The following STMND1 variants were observed in gnomAD, a reference collection of about 807,000 sequenced individuals.
The protein encoded by STMND1 is stathmin domain containing 1, also known as stathmin domain-containing protein 1.
In STMND1, 17 loss-of-function variants were observed where a neutral mutation model predicts 23.0. The ratio of observed to expected loss-of-function variants is 0.74; its 90% CI spans 0.51 to 1.11. The LOEUF (loss-of-function observed/expected upper bound fraction) is 1.11, where lower values mean the gene tolerates loss of function less well. Ranked by LOEUF, STMND1 falls within the 50% of genes least tolerant of loss-of-function variation. The probability of loss-of-function intolerance (pLI) is 0.00; values close to 1 mark genes in which losing one functional copy is unlikely to be tolerated. For synonymous variants in STMND1, 114 were observed against 119.9 expected, an observed-to-expected ratio of 0.95 and a Z score of 0.32; for missense variants, 305 against 329.1, an observed-to-expected ratio of 0.93 and a Z score of 0.57.
rs923687087 is a variant in STMND1 at position 17,102,161 on chromosome 6, G to T, written c.-97G>T. ...GTAGCAGGGGCGTAGGGCGCAGGGC[G>T]CAGGAGCGCGGGACCACCGGCGCCG... On this transcript the variant is annotated 5_prime_UTR_variant, in exon 1 of 5. Transcript: ENST00000536551. 3.3e-4 allele frequency: 418 copies of T among 1,268,588 alleles called. 6 individuals are homozygous for T. Among genetic ancestry groups the T allele is most frequent in the Non-Finnish European group, 6.0e-5 (58 of 973,364 alleles). The allele number at this position is 1,268,588 out of a possible 1,614,324, so 78.6% of individuals were successfully genotyped here.
At chr6:17,126,958 G>A (rs1325186924) in intron 3 of STMND1, among the ~76,000 whole-genome samples, 2 of 152,166 alleles carry the variant, frequency 1.3e-5, no homozygotes, top group East Asian at 3.9e-4. Flanking sequence ...ACTATGTGCT[G>A]GGCATTCCTG....
rs552437782 is a variant in STMND1 at position 17,102,190 on chromosome 6, C to T, written c.-68C>T. 2 of 1,426,086 alleles carry T rather than the reference C, an allele frequency of 1.4e-6. No individual in the cohort carries two copies. Among genetic ancestry groups the T allele is most frequent in the South Asian group, 2.9e-5 (2 of 68,764 alleles). The allele number at this position is 1,426,086 out of a possible 1,614,324, so 88.3% of individuals were successfully genotyped here. ...GAGCGCGGGACCACCGGCGCCGGAG[C>T]GCGGCAGGGAGCGCTCGCGGGGGCG... On this transcript the variant is annotated 5_prime_UTR_variant, in exon 1 of 5. Coordinates refer to ENST00000536551, the MANE Select transcript of STMND1 (RefSeq NM_001190766.2).
intron 4 of STMND1, among the ~76,000 whole-genome samples, chr6:17,130,001 T>G (rs1485766154): frequency 1.3e-5 from 2 of 152,214 alleles, no homozygotes; most frequent in Non-Finnish European, 2.9e-5. Flanking sequence ...GCTAGGATTT[T>G]AACGATCTTT....
At chr6:17,119,841 A>G (rs1167255353) in intron 2 of STMND1, among the ~76,000 whole-genome samples, 1 of 152,212 alleles carries the variant, frequency 6.6e-6, no homozygotes, top group Non-Finnish European at 1.5e-5. Flanking sequence ...GCTGTTACTG[A>G]CAGGAAAAGC....
intron 3 of STMND1, among the ~76,000 whole-genome samples, chr6:17,124,422 T>C (rs750691047): frequency 9.2e-5 from 14 of 152,184 alleles, no homozygotes. Context: ...TTATCTTTCA[T>C]TGAGTTATTT....
rs1460639519 is a variant in STMND1 at position 17,108,766 on chromosome 6, G to A, written c.82-6196G>A. On this transcript the variant is annotated intron_variant, in intron 1 of 4. Coordinates refer to ENST00000536551, the MANE Select transcript of STMND1 (RefSeq NM_001190766.2). ...GACTGGAGTGCAGTGGTGTAATCTC[G>A]GCTCACTGCAACCTCCGCCTCTCGA... Among the ~76,000 whole-genome samples the A allele has an allele frequency of 2.7e-5, 4 of 146,776 alleles. No individual in the cohort carries two copies. In the East Asian group the frequency reaches 5.9e-4, roughly 22 times the overall value.
At chr6:17,129,080 G>A in intron 3 of STMND1, 32 bp from the exon 4 acceptor site, 1 of 1,530,836 alleles carries the variant, frequency 6.5e-7, no homozygotes, top group Non-Finnish European at 8.7e-7. Context: ...GAATATGATT[G>A]TTTCTTCATG....
At chr6:17,113,241 GTA>G (rs1420469624) in intron 1 of STMND1, among the ~76,000 whole-genome samples, 1 of 152,198 alleles carries the variant, frequency 6.6e-6, no homozygotes, top group African/African-American at 2.4e-5. Flanking sequence ...AGGTAGATAG[GTA>G]AATTGTAAGG....
intron 1 of STMND1, among the ~76,000 whole-genome samples, chr6:17,104,357 A>G (rs1182303937): frequency 6.6e-6 from 1 of 152,180 alleles, no homozygotes; most frequent in African/African-American, 2.4e-5. Flanking sequence ...CTGATTACAT[A>G]TAAGACTTCA....
chr6:17,115,211 T>G, intron 2 of STMND1, 72 bp downstream of exon 2: 4 of 1,386,584 alleles, frequency 2.9e-6, no homozygotes, highest in Non-Finnish European at 3.8e-6. Flanking sequence ...TTACAAGGTT[T>G]CTTTGGTGGT....
At position 17,120,705 on chromosome 6, in the gene STMND1, A is replaced by G; in HGVS notation, c.358A>G (p.Ile120Val). The change falls in exon 3 of 5, where the codon ATT becomes GTT. Residue 120 changes from isoleucine to valine, a missense_variant. Ile to Val is a conservative substitution (Grantham distance 29). Coordinates refer to ENST00000536551, the MANE Select transcript of STMND1 (RefSeq NM_001190766.2). ...DILEELIVQG[I>V]IQSHSKVFRN... ...CCTGGAGGAACTAATTGTTCAAGGA[A>G]TTATACAAAGCCACAGCAAAGTATT... The G allele has an allele frequency of 6.5e-7, 1 of 1,535,560 alleles. No homozygotes were observed. The highest frequency in any genetic ancestry group is 8.7e-7 in the Non-Finnish European group (1 of 1,146,578).
At position 17,102,297 on chromosome 6, in the gene STMND1, C is replaced by T; in HGVS notation, c.40C>T (p.Arg14Cys). 1.3e-6 allele frequency: 2 copies of T among 1,536,000 alleles called. No individual in the cohort carries two copies. Among genetic ancestry groups the T allele is most frequent in the Middle Eastern group, 1.7e-4 (1 of 5,988 alleles). Reference sequence around the variant, plus strand: ...TTCCCAACCTGCTGAAGACCGGAGACGTGTACGCGCGCCCAAGAAGGGCTG... The same window carrying T: ...TTCCCAACCTGCTGAAGACCGGAGATGTGTACGCGCGCCCAAGAAGGGCTG... ...GPSQPAEDRR[R>C]VRAPKKGWKE... The change falls in exon 1 of 5, where the codon CGT becomes TGT. Residue 14 changes from arginine (R) to cysteine (C), a missense_variant. Arg to Cys is a radical substitution (Grantham distance 180). Coordinates refer to ENST00000536551, the MANE Select transcript of STMND1 (RefSeq NM_001190766.2).
chr6:17,129,244 G>A lies in STMND1; in HGVS notation c.543+1G>A. The stretch of plus-strand genomic sequence containing the variant: ...GGAGGCTGCCGAGGAGCGCAGGAAG[G>A]TAGTGAGCTCTCAGATGCTCTAGGC... On this transcript the variant is annotated splice_donor_variant, in intron 4 of 4. Coordinates refer to ENST00000536551, the MANE Select transcript of STMND1 (RefSeq NM_001190766.2). LOFTEE classifies it high-confidence loss of function. 1.3e-6 allele frequency: 2 copies of A among 1,535,872 alleles called. No homozygotes were observed. Among genetic ancestry groups the A allele is most frequent in the Non-Finnish European group, 8.7e-7 (1 of 1,146,760 alleles).
chr6:17,113,952 G>C (rs1039476311), intron 1 of STMND1, among the ~76,000 whole-genome samples: 4 of 152,088 alleles, frequency 2.6e-5, no homozygotes, highest in African/African-American at 7.2e-5. Context: ...TTCTACTGCT[G>C]CTATAGCCAA....
At chr6:17,126,166 C>G (rs1210431720) in intron 3 of STMND1, among the ~76,000 whole-genome samples, 1 of 145,438 alleles carries the variant, frequency 6.9e-6, no homozygotes, top group African/African-American at 2.6e-5. Flanking sequence ...GATCCACCTG[C>G]CTTGGCCTCC....
intron 1 of STMND1, among the ~76,000 whole-genome samples, chr6:17,104,396 C>T (rs763094623): frequency 3.9e-5 from 6 of 152,090 alleles, no homozygotes; most frequent in East Asian, 1.9e-4. Context: ...CTTTTCTCGC[C>T]GTTATCATTT....
rs111424723 is a variant in STMND1, at chr6:17,123,498, C to T, written c.411+2740C>T. ...TTAACCCGCCGGTACATTGGAGTCACCTGGGGATATTTCAAACATCCCAGT... is the reference window on the plus strand; with the variant it reads ...TTAACCCGCCGGTACATTGGAGTCATCTGGGGATATTTCAAACATCCCAGT... On this transcript the variant is annotated intron_variant, in intron 3 of 4. Transcript: ENST00000536551. Among the ~76,000 whole-genome samples the T allele has an allele frequency of 1.7e-3, 253 of 152,264 alleles. 3 individuals are homozygous for T. The highest frequency in any genetic ancestry group is 0.01 in the Middle Eastern group (3 of 294).
chr6:17,106,328 C>T (rs571575057), intron 1 of STMND1, among the ~76,000 whole-genome samples: 6 of 152,150 alleles, frequency 3.9e-5, no homozygotes, highest in Non-Finnish European at 8.8e-5. Flanking sequence ...TCATCCTGTG[C>T]GGTTACCTCC....
At position 17,102,076 on chromosome 6, in the gene STMND1, G is replaced by A. The variant is rs187542383; in HGVS notation, c.-182G>A. Among the ~76,000 whole-genome samples, 69 of 152,346 alleles carry A rather than the reference G, an allele frequency of 4.5e-4. No individual in the cohort carries two copies. The highest frequency in any genetic ancestry group is 1.6e-3 in the African/African-American group (68 of 41,598). ...TTCCTGGCGACTGCCCAGAAACTCA[G>A]TGCGTCCTGCCCGGGGTTTAAGCGC... On this transcript the variant is annotated 5_prime_UTR_variant, in exon 1 of 5. It adds an upstream start codon to the 5' untranslated region. Coordinates refer to ENST00000536551, the MANE Select transcript of STMND1 (RefSeq NM_001190766.2).
Sources: gnomAD v4.1 joint callset for allele counts (sites outside exome capture counted in the v4.1 genomes callset) on GRCh38, gnomAD v4.1.1 for gene constraint, MANE v1.5 for transcripts, NCBI Gene and HGNC (gene_info 2026-07-23, HGNC 2026-07-21) for gene names.